Variants in MARCHF8 observed in about 807,000 individuals in gnomAD.
MARCHF8 encodes membrane associated ring-CH-type finger 8, also known as E3 ubiquitin-protein ligase MARCHF8.
In MARCHF8, 40 loss-of-function variants were observed where a neutral mutation model predicts 51.6. That is an observed-to-expected ratio of 0.77 (90% CI 0.60 to 1.01). MARCHF8 has a LOEUF of 1.01. Ranked by LOEUF, MARCHF8 falls within the 50% of genes least tolerant of loss-of-function variation. MARCHF8 has a pLI of 0.00. For missense variants in MARCHF8, 685 were observed against 708.6 expected, an observed-to-expected ratio of 0.97 and a Z score of 0.38; for synonymous variants, 263 against 280.3, an observed-to-expected ratio of 0.94 and a Z score of 0.62.
chr10:45,512,134 C>T (rs1212517459), intron 2 of MARCHF8, among the ~76,000 whole-genome samples: 3 of 150,554 alleles, frequency 2.0e-5, no homozygotes, highest in Non-Finnish European at 4.4e-5. Flanking sequence ...CCAGCCGCGA[C>T]CCCGTCTGGG....
chr10:45,529,600 A>G (rs913851916), intron 2 of MARCHF8, among the ~76,000 whole-genome samples: 7 of 152,258 alleles, frequency 4.6e-5, no homozygotes, highest in Non-Finnish European at 8.8e-5. Context: ...TGTAGACTCT[A>G]CAAAGAACTC....
At chr10:45,563,078 G>C (rs762274581) in intron 1 of MARCHF8, among the ~76,000 whole-genome samples, 3 of 151,928 alleles carry the variant, frequency 2.0e-5, no homozygotes, top group Non-Finnish European at 2.9e-5. Flanking sequence ...CCAGGCTGGA[G>C]TGCAGTGGCA....
intron 3 of MARCHF8, among the ~76,000 whole-genome samples, chr10:45,486,371 C>A (rs1048340010): frequency 1.3e-5 from 2 of 152,158 alleles, no homozygotes; most frequent in African/African-American, 2.4e-5. Flanking sequence ...TGAGGCCAGC[C>A]TGATCAACAT....
Position 45,458,229 on chromosome 10 carries a change from C to T in MARCHF8, c.*10G>A. The stretch of plus-strand genomic sequence containing the variant: ...CATGGATGTCCAGGAAAATGACAAC[C>T]CGCACACAATCAGACGTGAATGATT... On this transcript the variant is annotated 3_prime_UTR_variant, in exon 8 of 8. Coordinates refer to ENST00000453424, the MANE Select transcript of MARCHF8 (RefSeq NM_001282866.2). 2 of 1,596,954 alleles carry T rather than the reference C, an allele frequency of 1.3e-6. No homozygotes were observed. The highest frequency in any genetic ancestry group is 1.7e-6 in the Non-Finnish European group (2 of 1,171,806).
At chr10:45,564,495 T>C (rs1307937558) in intron 1 of MARCHF8, among the ~76,000 whole-genome samples, 3 of 152,024 alleles carry the variant, frequency 2.0e-5, no homozygotes, top group Admixed American at 6.6e-5. Flanking sequence ...TGAGATAATA[T>C]CAATCATTAT....
upstream of MARCHF8, among the ~76,000 whole-genome samples, chr10:45,535,883 C>T (rs534289607): frequency 3.7e-4 from 57 of 152,270 alleles, no homozygotes; most frequent in Non-Finnish European, 7.5e-4. Flanking sequence ...ACATTCACAT[C>T]TAGAAGAGAT....
chr10:45,586,496 CA>C (rs1420305634), intron 1 of MARCHF8, among the ~76,000 whole-genome samples: 2 of 152,030 alleles, frequency 1.3e-5, no homozygotes, highest in Admixed American at 6.5e-5. Context: ...ATTTTACACC[CA>C]GGGGTGTAAA....
chr10:45,507,394 C>CTA (rs1189581376), intron 2 of MARCHF8, among the ~76,000 whole-genome samples: 4 of 152,162 alleles, frequency 2.6e-5, no homozygotes, highest in African/African-American at 9.7e-5. Context: ...GTTCTGCAGA[C>CTA]TATACAAGAA....
chr10:45,500,298 C>T (rs2043255407), intron 2 of MARCHF8, among the ~76,000 whole-genome samples: 1 of 152,052 alleles, frequency 6.6e-6, no homozygotes, highest in Non-Finnish European at 1.5e-5. Context: ...TGAAACTTTG[C>T]TGAATTCATT....
intron 3 of MARCHF8, among the ~76,000 whole-genome samples, chr10:45,473,419 G>A (rs1032070513): frequency 3.3e-5 from 5 of 152,240 alleles, no homozygotes; most frequent in Admixed American, 6.5e-5. Flanking sequence ...AGAGATACTC[G>A]TGCTACGGGC....
At chr10:45,540,067 G>A (rs1237351915), upstream of MARCHF8, among the ~76,000 whole-genome samples, 2 of 152,172 alleles carry the variant, frequency 1.3e-5, no homozygotes, top group Non-Finnish European at 2.9e-5. Flanking sequence ...ACAAATGGAA[G>A]AACATTCCAT....
chr10:45,586,184 A>G (rs938051953), intron 1 of MARCHF8, among the ~76,000 whole-genome samples: 1 of 152,148 alleles, frequency 6.6e-6, no homozygotes, highest in African/African-American at 2.4e-5. Flanking sequence ...TAATTCCATC[A>G]CCACAGAAAG....
At chr10:45,475,506 GC>G (rs1399393607) in intron 3 of MARCHF8, among the ~76,000 whole-genome samples, 6 of 152,182 alleles carry the variant, frequency 3.9e-5, no homozygotes, top group Non-Finnish European at 8.8e-5. Flanking sequence ...TGAGCATACT[GC>G]CTGGGCATCT....
At chr10:45,573,694 C>G (rs1354962073) in intron 1 of MARCHF8, among the ~76,000 whole-genome samples, 1 of 152,184 alleles carries the variant, frequency 6.6e-6, no homozygotes, top group Admixed American at 6.5e-5. Flanking sequence ...GCTGCCCGAT[C>G]ACCACAGAAG....
At chr10:45,564,219 T>C (rs9422658) in intron 1 of MARCHF8, among the ~76,000 whole-genome samples, 9,400 of 152,256 alleles carry the variant, frequency 0.062, 331 homozygotes, top group Non-Finnish European at 0.067. Context: ...GAAGCTGCAG[T>C]GAGCAGATTG....
intron 2 of MARCHF8, among the ~76,000 whole-genome samples, chr10:45,528,682 T>C (rs554158767): frequency 1.6e-4 from 24 of 152,282 alleles, no homozygotes; most frequent in South Asian, 4.1e-4. Context: ...ACAACAATGA[T>C]ATAATCAAGC....
upstream of MARCHF8, among the ~76,000 whole-genome samples, chr10:45,536,996 T>G (rs1302891489): frequency 6.6e-6 from 1 of 152,022 alleles, no homozygotes; most frequent in Non-Finnish European, 1.5e-5. Flanking sequence ...GACAAACAAG[T>G]GTTAGCAAGG....
intron 1 of MARCHF8, among the ~76,000 whole-genome samples, chr10:45,582,876 C>A (rs1414922393): frequency 6.6e-6 from 1 of 152,144 alleles, no homozygotes; most frequent in Admixed American, 6.5e-5. Flanking sequence ...CCTGGCTTTG[C>A]AGATGAATAG....
chr10:45,536,161 C>G (rs2043967589), upstream of MARCHF8, among the ~76,000 whole-genome samples: 1 of 151,934 alleles, frequency 6.6e-6, no homozygotes, highest in Admixed American at 6.6e-5. Context: ...AAACTTACAA[C>G]AAAGGAACAG....
Sources: gnomAD v4.1 joint callset for allele counts (sites outside exome capture counted in the v4.1 genomes callset) on GRCh38, gnomAD v4.1.1 for gene constraint, MANE v1.5 for transcripts, NCBI Gene and HGNC (gene_info 2026-07-23, HGNC 2026-07-21) for gene names.